Variants in SLC4A8 observed in about 807,000 individuals in gnomAD.
The protein encoded by SLC4A8 is solute carrier family 4 member 8, also known as electroneutral sodium bicarbonate exchanger 1.
Under a neutral mutation model 125.0 loss-of-function variants are expected in SLC4A8, and 40 were observed. That is an observed-to-expected ratio of 0.32 (90% confidence interval 0.25 to 0.42). SLC4A8 has a LOEUF of 0.42. SLC4A8 is among the 10% of genes least tolerant of loss of function. The pLI is 1.00. For synonymous variants in SLC4A8, 456 were observed against 476.0 expected (o/e 0.96, Z 0.55); for missense variants, 863 against 1,355.1 (o/e 0.64, Z 5.70).
At chr12:51,441,225 G>C (rs1949584312) in intron 2 of SLC4A8, 2 of 981,504 alleles carry the variant, frequency 2.0e-6, no homozygotes, top group South Asian at 9.4e-5. Flanking sequence ...AATATTTACT[G>C]TTTCTATTCT....
At chr12:51,449,145 A>T (rs1949882921) in intron 2 of SLC4A8, among the ~76,000 whole-genome samples, 1 of 152,116 alleles carries the variant, frequency 6.6e-6, no homozygotes, top group African/African-American at 2.4e-5. Flanking sequence ...CTCAGGAAAA[A>T]CTGAAGTGAG....
At chr12:51,412,471 T>C (rs774310350) in intron 1 of SLC4A8, among the ~76,000 whole-genome samples, 4 of 152,246 alleles carry the variant, frequency 2.6e-5, no homozygotes, top group East Asian at 1.9e-4. Flanking sequence ...TTTTGAAATA[T>C]ACAATAAATT....
upstream of SLC4A8, among the ~76,000 whole-genome samples, chr12:51,421,342 AC>A (rs1354439971): frequency 6.6e-6 from 1 of 152,104 alleles, no homozygotes; most frequent in Non-Finnish European, 1.5e-5. Flanking sequence ...GGAAGGAGAG[AC>A]CAAATCATCC....
rs1949947022 is a variant in SLC4A8, at chr12:51,450,990, A to T, written c.245A>T (p.Gln82Leu). The T allele has an allele frequency of 6.4e-7, 1 of 1,557,612 alleles. No individual in the cohort carries two copies. Among genetic ancestry groups the T allele is most frequent in the African/African-American group, 1.4e-5 (1 of 72,994 alleles). ...RRRGRGKGAS[Q>L]GEEGLEALAH... ...CGAGGGCGGGGCAAAGGAGCCAGCC[A>T]GGGGGAGGAAGGCCTGGAAGCCCTG... is the stretch of plus-strand genomic sequence containing the variant. The change falls in exon 3 of 25, where the codon CAG becomes CTG. Residue 82 changes from glutamine (Q) to leucine (L), a missense_variant. Transcript: ENST00000453097.
intron 2 of SLC4A8, among the ~76,000 whole-genome samples, chr12:51,449,483 A>G (rs778586874): frequency 2.0e-5 from 3 of 152,066 alleles, no homozygotes; most frequent in Non-Finnish European, 2.9e-5. Context: ...GCAGGAAGGA[A>G]TGTGGATAAG....
chr12:51,471,662 G>A, intron 14 of SLC4A8, 130 bp downstream of exon 14: 1 of 1,022,306 alleles, frequency 9.8e-7, no homozygotes, highest in Non-Finnish European at 1.4e-6. Flanking sequence ...ACGGATCTCA[G>A]ATACAGACAA....
upstream of SLC4A8, among the ~76,000 whole-genome samples, chr12:51,420,716 C>T (rs1054850040): frequency 3.3e-5 from 5 of 152,164 alleles, no homozygotes; most frequent in South Asian, 2.1e-4. Context: ...AGGATGGCCA[C>T]GTCAGGAAGC....
intron 1 of SLC4A8, among the ~76,000 whole-genome samples, chr12:51,404,751 GTATCTGAAGTCATT>G (rs1660372441): frequency 2.0e-5 from 3 of 152,202 alleles, no homozygotes; most frequent in Admixed American, 2.0e-4. Flanking sequence ...GGGTCCTGCT[GTATCTGAAGTCATT>G]TATTCCTAGA....
chr12:51,483,632 G>A (rs1951087813), intron 16 of SLC4A8, among the ~76,000 whole-genome samples: 1 of 151,858 alleles, frequency 6.6e-6, no homozygotes, highest in East Asian at 1.9e-4. Context: ...CCATTATTTG[G>A]CATCTTGCCA....
intron 1 of SLC4A8, among the ~76,000 whole-genome samples, chr12:51,392,587 G>GA (rs1199904072): frequency 1.0e-5 from 1 of 99,312 alleles, no homozygotes; most frequent in Admixed American, 9.5e-5. Flanking sequence ...AAAAAAAAAA[G>GA]AAAAAAAGAA....
At chr12:51,436,505 A>G (rs1435274681) in intron 1 of SLC4A8, among the ~76,000 whole-genome samples, 1 of 152,206 alleles carries the variant, frequency 6.6e-6, no homozygotes, top group Non-Finnish European at 1.5e-5. Context: ...GGCATATTCA[A>G]AAAAGTCTAG....
rs1950775252 is a variant in SLC4A8 at position 51,473,704 on chromosome 12, G to A, written c.1905-638G>A. Among the ~76,000 whole-genome samples the A allele has an allele frequency of 2.0e-5, 3 of 152,194 alleles. No individual in the cohort carries two copies. In the South Asian group the frequency reaches 6.2e-4, roughly 31 times the overall value. ...GGCAACATGGTGGCCAATGGCACAG[G>A]TGTGGTCTGGTCTGGTCTGGTTTGG... On this transcript the variant is annotated intron_variant, in intron 14 of 24. Transcript: ENST00000453097.
chr12:51,417,978 A>G (rs1948720268), intron 1 of SLC4A8, among the ~76,000 whole-genome samples: 1 of 152,164 alleles, frequency 6.6e-6, no homozygotes, highest in South Asian at 2.1e-4. Flanking sequence ...TGTGCATTCC[A>G]TTGCTAAATT....
intron 1 of SLC4A8, among the ~76,000 whole-genome samples, chr12:51,439,480 G>A (rs533286555): frequency 6.6e-6 from 1 of 152,108 alleles, no homozygotes; most frequent in African/African-American, 2.4e-5. Context: ...TTGAGGCTGA[G>A]ATCAAAGAGA....
At chr12:51,436,197 T>C (rs1057216000) in intron 1 of SLC4A8, among the ~76,000 whole-genome samples, 3 of 152,176 alleles carry the variant, frequency 2.0e-5, no homozygotes, top group Admixed American at 1.3e-4. Context: ...TAAATTCACA[T>C]AGCTACTCAT....
At chr12:51,447,116 C>A (rs1949799309) in intron 2 of SLC4A8, among the ~76,000 whole-genome samples, 1 of 132,968 alleles carries the variant, frequency 7.5e-6, no homozygotes, top group African/African-American at 2.9e-5. Flanking sequence ...ATTCTGTCAC[C>A]CAGGCTGGAG....
At chr12:51,402,165 G>A (rs1948406198) in intron 1 of SLC4A8, among the ~76,000 whole-genome samples, 1 of 152,186 alleles carries the variant, frequency 6.6e-6, no homozygotes, top group Non-Finnish European at 1.5e-5. Flanking sequence ...GGCATATATG[G>A]TTACAACAGG....
intron 1 of SLC4A8, among the ~76,000 whole-genome samples, chr12:51,409,723 C>A (rs1948560306): frequency 6.6e-6 from 1 of 152,218 alleles, no homozygotes; most frequent in South Asian, 2.1e-4. Flanking sequence ...GATTTTTATA[C>A]ATTTTATTTT....
chr12:51,466,195 T>C (rs1950510416), intron 11 of SLC4A8, among the ~76,000 whole-genome samples: 1 of 152,140 alleles, frequency 6.6e-6, no homozygotes, highest in South Asian at 2.1e-4. Flanking sequence ...CTCCCTGATA[T>C]TGACTAAGGC....
Sources: allele counts gnomAD v4.1 joint callset (sites outside exome capture counted in the v4.1 genomes callset), GRCh38; gene constraint gnomAD v4.1.1; transcripts MANE v1.5; gene names NCBI Gene and HGNC (gene_info 2026-07-23, HGNC 2026-07-21).